ADK: variants seen among roughly 807,000 people sequenced by gnomAD.
The protein encoded by ADK is adenosine kinase, also known as N6,N6-dimethyladenosine kinase.
Under a neutral mutation model 44.7 loss-of-function variants are expected in ADK, and 24 were observed. The ratio of observed to expected loss-of-function variants is 0.54; its 90% CI spans 0.39 to 0.76. The LOEUF (loss-of-function observed/expected upper bound fraction) is 0.76, where lower values mean the gene tolerates loss of function less well. Among genes scored for constraint, ADK ranks in the 30% least tolerant of loss-of-function variants. The pLI is 0.00. For synonymous variants in ADK, 128 were observed against 142.6 expected, an observed-to-expected ratio of 0.90 and a Z score of 0.73; for missense variants, 321 against 425.1, an observed-to-expected ratio of 0.76 and a Z score of 2.15.
chr10:74,398,227 A>T (rs1843584614), intron 5 of ADK, among the ~76,000 whole-genome samples: 1 of 152,136 alleles, frequency 6.6e-6, no homozygotes, highest in South Asian at 2.1e-4. Flanking sequence ...TCAAAAGGCA[A>T]CTTAAATGCC....
intron 6 of ADK, among the ~76,000 whole-genome samples, chr10:74,435,590 C>A (rs557398253): frequency 1.3e-5 from 2 of 152,154 alleles, no homozygotes; most frequent in South Asian, 4.1e-4. Flanking sequence ...TCTTTGAACA[C>A]CAAGTACAAT....
intron 7 of ADK, among the ~76,000 whole-genome samples, chr10:74,538,950 T>C (rs1309422591): frequency 6.6e-6 from 1 of 152,218 alleles, no homozygotes; most frequent in Non-Finnish European, 1.5e-5. Flanking sequence ...TCTGTGTGAA[T>C]CTATGTGTAA....
Position 74,397,180 on chromosome 10 carries a change from A to G in ADK, c.447-1291A>G, listed in dbSNP as rs568648217. ...TAAGTTTGTAATATAGTTATTTTGT[A>G]TATGAATATGTTGATGCATATTACT... is the stretch of plus-strand genomic sequence containing the variant. On this transcript the variant is annotated intron_variant, in intron 5 of 10. Coordinates refer to ENST00000539909, the MANE Select transcript of ADK (RefSeq NM_006721.4). Among the ~76,000 whole-genome samples, 7 of 152,158 alleles carry G rather than the reference A, an allele frequency of 4.6e-5. No homozygotes were observed. In the East Asian group the frequency reaches 1.2e-3, roughly 25 times the overall value.
intron 7 of ADK, among the ~76,000 whole-genome samples, chr10:74,563,880 T>A (rs983269274): frequency 2.6e-5 from 4 of 152,148 alleles, no homozygotes; most frequent in South Asian, 2.1e-4. Context: ...TTGGCTTCTT[T>A]TTTATTTATT....
At chr10:74,462,153 C>A (rs1325071258) in intron 6 of ADK, among the ~76,000 whole-genome samples, 1 of 151,972 alleles carries the variant, frequency 6.6e-6, no homozygotes, top group Non-Finnish European at 1.5e-5. Flanking sequence ...TACCAGAGCA[C>A]CATGTCCTAA....
At chr10:74,182,084 C>T (rs1189127842) in intron 1 of ADK, among the ~76,000 whole-genome samples, 1 of 152,090 alleles carries the variant, frequency 6.6e-6, no homozygotes, top group Non-Finnish European at 1.5e-5. Context: ...TGAGGTATGT[C>T]CAATAGAATC....
chr10:74,201,617 A>AGT (rs1491183453), intron 2 of ADK, among the ~76,000 whole-genome samples: 2 of 151,754 alleles, frequency 1.3e-5, no homozygotes, highest in Admixed American at 1.3e-4. Context: ...TAGGAAAAAC[A>AGT]GTGTGTGTGT....
At position 74,200,704 on chromosome 10, in the gene ADK, C is replaced by A. The variant is rs533100660; in HGVS notation, c.66-60C>A. The A allele has an allele frequency of 9.8e-5, 108 of 1,102,714 alleles. No homozygotes were observed. In the African/African-American group the frequency reaches 1.6e-3, roughly 16 times the overall value. 68.3% of individuals were successfully genotyped at this position (1,102,714 alleles called of 1,614,324 possible). On this transcript the variant is annotated intron_variant, in intron 1 of 10. Coordinates refer to ENST00000539909, the MANE Select transcript of ADK (RefSeq NM_006721.4). The stretch of plus-strand genomic sequence containing the variant: ...AAGATAGTTATTTTTATTTTGTGTA[C>A]CTTTTACATATCAACTTACTTTTAG...
intron 7 of ADK, among the ~76,000 whole-genome samples, chr10:74,553,026 A>T (rs1323240664): frequency 3.4e-5 from 5 of 149,106 alleles, no homozygotes; most frequent in Non-Finnish European, 7.5e-5. Context: ...GTAGTTTTTT[A>T]TTTTTTTTTT....
chr10:74,332,727 C>T (rs1373189868), intron 4 of ADK, among the ~76,000 whole-genome samples: 1 of 152,070 alleles, frequency 6.6e-6, no homozygotes, highest in African/African-American at 2.4e-5. Flanking sequence ...AAATATAACT[C>T]CATTTGAAGA....
chr10:74,467,068 A>G (rs899823468), intron 6 of ADK, among the ~76,000 whole-genome samples: 1 of 152,138 alleles, frequency 6.6e-6, no homozygotes, highest in African/African-American at 2.4e-5. Context: ...ATAATAATCA[A>G]AGTTTTGTAT....
chr10:74,563,433 A>C (rs1303670159), intron 7 of ADK, among the ~76,000 whole-genome samples: 2 of 152,170 alleles, frequency 1.3e-5, no homozygotes, highest in Non-Finnish European at 2.9e-5. Context: ...CTCCCTTAAA[A>C]ATCTCTTCTG....
chr10:74,442,749 G>A lies in ADK; in HGVS notation c.555+44170G>A, dbSNP rs553796742. On this transcript the variant is annotated intron_variant, in intron 6 of 10. Coordinates refer to ENST00000539909, the MANE Select transcript of ADK (RefSeq NM_006721.4). ...TGCATTATTCACAATAGTCAAAATAGGGAAATACCCTAGGAGTCTGTCAAC... is the reference window on the plus strand; with the variant it reads ...TGCATTATTCACAATAGTCAAAATAAGGAAATACCCTAGGAGTCTGTCAAC... Among the ~76,000 whole-genome samples, 4 of 152,242 alleles carry A rather than the reference G, an allele frequency of 2.6e-5. No individual in the cohort carries two copies. In the South Asian group the frequency reaches 6.2e-4, roughly 24 times the overall value.
Sources: gnomAD v4.1 joint callset for allele counts (sites outside exome capture counted in the v4.1 genomes callset) on GRCh38, gnomAD v4.1.1 for gene constraint, MANE v1.5 for transcripts, NCBI Gene and HGNC (gene_info 2026-07-23, HGNC 2026-07-21) for gene names.